Variants in DPH6 observed in about 807,000 individuals in gnomAD.
DPH6 encodes the protein diphthamine biosynthesis 6, also known as diphthine--ammonia ligase.
In DPH6, 33 loss-of-function variants were observed where a neutral mutation model predicts 38.2. The ratio of observed to expected loss-of-function variants is 0.86; its 90% CI spans 0.65 to 1.15. The LOEUF (loss-of-function observed/expected upper bound fraction) is 1.15. DPH6 is among the 50% of genes most tolerant of loss of function. The pLI is 0.00. For synonymous variants in DPH6, 108 were observed against 103.0 expected (o/e 1.05, Z -0.30); for missense variants, 325 against 320.0 (o/e 1.02, Z -0.12).
chr15:35,206,429 T>C, the DPH6 span, among the ~76,000 whole-genome samples: 1 of 152,162 alleles, frequency 6.6e-6, no homozygotes, highest in African/African-American at 2.4e-5. Flanking sequence ...GAGGCAAATG[T>C]AAAGAGACCT....
At chr15:35,344,664 C>T (rs2052447568) in intron 3 of DPH6, among the ~76,000 whole-genome samples, 1 of 151,416 alleles carries the variant, frequency 6.6e-6, no homozygotes, top group Non-Finnish European at 1.5e-5. Context: ...GTTTGTGGAC[C>T]ACGGTTTAAA....
At chr15:35,279,064 A>T (rs1378757439) in intron 3 of DPH6, among the ~76,000 whole-genome samples, 76 of 123,980 alleles carry the variant, frequency 6.1e-4, no homozygotes, top group South Asian at 1.6e-3. Flanking sequence ...AAAAAAAAAA[A>T]AAAAATATAT....
At chr15:35,291,307 C>A (rs995043816) in intron 3 of DPH6, among the ~76,000 whole-genome samples, 1 of 152,098 alleles carries the variant, frequency 6.6e-6, no homozygotes, top group South Asian at 2.1e-4. Flanking sequence ...ATTTGACTTA[C>A]GTTGGGAATC....
At chr15:35,356,401 C>A (rs2052560524) in intron 3 of DPH6, among the ~76,000 whole-genome samples, 1 of 152,132 alleles carries the variant, frequency 6.6e-6, no homozygotes, top group South Asian at 2.1e-4. Context: ...GGTTTTTCCC[C>A]AACTTTGTAG....
the DPH6 span, among the ~76,000 whole-genome samples, chr15:35,203,249 T>C: frequency 6.6e-6 from 1 of 151,732 alleles, no homozygotes; most frequent in African/African-American, 2.4e-5. Flanking sequence ...TTTTCTAAAA[T>C]TCATTTGAGC....
At chr15:35,307,045 T>A (rs1416485618) in intron 3 of DPH6, among the ~76,000 whole-genome samples, 1 of 152,128 alleles carries the variant, frequency 6.6e-6, no homozygotes, top group Non-Finnish European at 1.5e-5. Context: ...CTGTGCACAG[T>A]ACAATCACAA....
chr15:35,321,992 G>A (rs2052244341), intron 3 of DPH6, among the ~76,000 whole-genome samples: 1 of 152,146 alleles, frequency 6.6e-6, no homozygotes, highest in South Asian at 2.1e-4. Context: ...CAGGAAATGG[G>A]TGTTGCTGAT....
intron 3 of DPH6, among the ~76,000 whole-genome samples, chr15:35,301,567 T>C (rs2052054609): frequency 6.6e-6 from 1 of 152,364 alleles, no homozygotes; most frequent in Admixed American, 6.5e-5. Flanking sequence ...ATTAAGATTC[T>C]TATTTAATTA....
the DPH6 span, among the ~76,000 whole-genome samples, chr15:35,200,260 C>CTGGGGCAAAATGGAAT: frequency 6.6e-6 from 1 of 151,966 alleles, no homozygotes; most frequent in Non-Finnish European, 1.5e-5. Flanking sequence ...TTACAGAATT[C>CTGGGGCAAAATGGAAT]TGGGGCAAAA....
intron 4 of DPH6, 93 bp downstream of exon 4, chr15:35,454,654 C>T (rs898286510): frequency 1.8e-5 from 19 of 1,059,560 alleles, no homozygotes; most frequent in Non-Finnish European, 2.5e-5. Flanking sequence ...ACTACCATAC[C>T]TATTTATAAT....
chr15:35,378,928 C>A (rs1005966304), intron 7 of DPH6, among the ~76,000 whole-genome samples: 1 of 152,164 alleles, frequency 6.6e-6, no homozygotes, highest in African/African-American at 2.4e-5. Flanking sequence ...ACCTACGTAA[C>A]AAACCTACAC....
At chr15:35,222,309 G>T (rs1404552056) in intron 3 of DPH6, among the ~76,000 whole-genome samples, 1 of 152,098 alleles carries the variant, frequency 6.6e-6, no homozygotes, top group Non-Finnish European at 1.5e-5. Flanking sequence ...TCCATAATTT[G>T]TTATGTGAAC....
At chr15:35,451,811 C>T (rs565836156) in intron 4 of DPH6, among the ~76,000 whole-genome samples, 1 of 152,250 alleles carries the variant, frequency 6.6e-6, no homozygotes, top group South Asian at 2.1e-4. Context: ...GAAATCGAGA[C>T]CATCCTGGCT....
chr15:35,393,710 T>C (rs1473946519), intron 6 of DPH6, among the ~76,000 whole-genome samples: 2 of 152,170 alleles, frequency 1.3e-5, no homozygotes, highest in Admixed American at 6.5e-5. Context: ...ATAAAAAGAA[T>C]GGAGGGAGGT....
the DPH6 span, among the ~76,000 whole-genome samples, chr15:35,173,348 C>A: frequency 6.6e-6 from 1 of 152,214 alleles, no homozygotes; most frequent in Non-Finnish European, 1.5e-5. Context: ...GCCAACAAAT[C>A]TTGTCATTTC....
rs1018985638 is a variant in DPH6 at position 35,233,168 on chromosome 15, G to T, written n.201-12586C>A. On this transcript the variant is annotated intron_variant and non_coding_transcript_variant, in intron 3 of 3. Coordinates refer to the DPH6 transcript ENST00000560386. Reference sequence around the variant, plus strand: ...ACTAAAAATAAAAAAAATTAGAAAGGTGTGGTGGCGGGCACCTGTAATCCC... The same window carrying T: ...ACTAAAAATAAAAAAAATTAGAAAGTTGTGGTGGCGGGCACCTGTAATCCC... Among the ~76,000 whole-genome samples, 7 of 152,250 alleles carry T rather than the reference G, an allele frequency of 4.6e-5. No individual in the cohort carries two copies. The East Asian group carries it at 1.2e-3, about 25-fold the overall frequency.
chr15:35,414,005 C>A (rs1265645765), intron 5 of DPH6, among the ~76,000 whole-genome samples: 1 of 151,538 alleles, frequency 6.6e-6, no homozygotes, highest in Non-Finnish European at 1.5e-5. Context: ...ATCCTTTAGA[C>A]CAGAACTTAG....
At chr15:35,446,465 G>A (rs569760337) in intron 5 of DPH6, among the ~76,000 whole-genome samples, 2 of 151,818 alleles carry the variant, frequency 1.3e-5, no homozygotes, top group African/African-American at 2.4e-5. Context: ...TGATTCAAGC[G>A]ATCTTGGGCT....
intron 4 of DPH6, among the ~76,000 whole-genome samples, chr15:35,453,044 GA>G (rs985774606): frequency 2.0e-5 from 3 of 152,178 alleles, no homozygotes; most frequent in Non-Finnish European, 4.4e-5. Flanking sequence ...TGGGTGAGAG[GA>G]CAGCAAGAAC....
Sources: allele counts gnomAD v4.1 joint callset (sites outside exome capture counted in the v4.1 genomes callset), GRCh38; gene constraint gnomAD v4.1.1; transcripts MANE v1.5; gene names NCBI Gene and HGNC (gene_info 2026-07-23, HGNC 2026-07-21).